The following JAK2 variants were observed in gnomAD, a reference collection of about 807,000 sequenced individuals.
JAK2 encodes the protein tyrosine-protein kinase JAK2.
Under a neutral mutation model 139.3 loss-of-function variants are expected in JAK2, and 86 were observed. The ratio of observed to expected loss-of-function variants is 0.62; its 90% CI spans 0.52 to 0.74. The LOEUF is 0.74. Ranked by LOEUF, JAK2 falls within the 30% of genes least tolerant of loss-of-function variation. The probability of loss-of-function intolerance (pLI) is 0.00; values close to 1 mark genes in which losing one functional copy is unlikely to be tolerated. For synonymous variants in JAK2, 490 were observed against 437.7 expected (o/e 1.12, Z -1.49); for missense variants, 1,421 against 1,360.3 (o/e 1.04, Z -0.70).
chr9:5,018,866 T>C (rs1174550867), intron 2 of JAK2, among the ~76,000 whole-genome samples: 1 of 152,224 alleles, frequency 6.6e-6, no homozygotes, highest in African/African-American at 2.4e-5. Flanking sequence ...ATGATTCTGC[T>C]GAGAAATCTG....
At position 5,054,006 on chromosome 9, in the gene JAK2, C is replaced by G. The variant is rs115238517; in HGVS notation, c.615-557C>G. On this transcript the variant is annotated intron_variant, in intron 6 of 24. Transcript: ENST00000381652. This position sits in a 1 kb window ranked among gnomAD's most constrained non-coding sequence, Gnocchi z 4.9. ...AATATTGTACATAGAGATGAATGTA[C>G]AGAAAAGTCAGAATATTTCTAAATG... 4.2e-4 allele frequency among the ~76,000 whole-genome samples: 64 copies of G among 152,038 alleles called. No homozygotes were observed. Among genetic ancestry groups the G allele is most frequent in the African/African-American group, 1.5e-3 (61 of 41,496 alleles).
At chr9:5,095,345 T>C (rs1359813184) in intron 22 of JAK2, among the ~76,000 whole-genome samples, 2 of 152,158 alleles carry the variant, frequency 1.3e-5, no homozygotes, top group Non-Finnish European at 2.9e-5. Flanking sequence ...ATAGTAGTTC[T>C]TACCCCCATC....
chr9:5,020,489 C>T (rs546688564), intron 2 of JAK2, among the ~76,000 whole-genome samples: 1 of 152,200 alleles, frequency 6.6e-6, no homozygotes, highest in African/African-American at 2.4e-5. Context: ...CAGGTGGGGG[C>T]AGCAGTGGCT....
intron 5 of JAK2, among the ~76,000 whole-genome samples, chr9:5,050,450 T>C (rs551184935): frequency 2.8e-3 from 430 of 152,248 alleles, no homozygotes; most frequent in African/African-American, 0.01. Context: ...TTTAAATTTT[T>C]TGTGGAGATG....
intron 6 of JAK2, 50 bp downstream of exon 6, chr9:5,050,881 T>C: frequency 6.9e-7 from 1 of 1,449,340 alleles, no homozygotes; most frequent in Non-Finnish European, 9.6e-7. Flanking sequence ...AGAGATTTTA[T>C]ATAATTCGTA....
intron 5 of JAK2, among the ~76,000 whole-genome samples, chr9:5,045,015 T>C (rs1375737594): frequency 6.6e-6 from 1 of 152,234 alleles, no homozygotes; most frequent in Non-Finnish European, 1.5e-5. Flanking sequence ...CTAAGAGCTA[T>C]ATTCAAGTTA....
At chr9:4,997,936 T>A (rs1310309655) in intron 2 of JAK2, among the ~76,000 whole-genome samples, 1 of 152,216 alleles carries the variant, frequency 6.6e-6, no homozygotes, top group Non-Finnish European at 1.5e-5. Context: ...TTAATCTGAA[T>A]GCATTATGAT....
At chr9:5,030,457 A>G (rs1352223739) in intron 4 of JAK2, among the ~76,000 whole-genome samples, 1 of 152,138 alleles carries the variant, frequency 6.6e-6, no homozygotes, top group African/African-American at 2.4e-5. Context: ...TCTCACAAAT[A>G]CCTGTGATTT....
intron 22 of JAK2, chr9:5,110,681 G>A (rs913469989): frequency 9.3e-6 from 3 of 321,048 alleles, no homozygotes; most frequent in Non-Finnish European, 1.8e-5. Flanking sequence ...ACCAACGCCT[G>A]AGCCCTTTCT....
rs1312198998 is a variant in JAK2 at position 5,014,979 on chromosome 9, C to G, written c.-25-6984C>G. On this transcript the variant is annotated intron_variant, in intron 2 of 24. Transcript: ENST00000381652. ...TGTTTAACACATGTATATGCCTAAA[C>G]AATGTACTATTCAGTTTTGCTTGTT... 3.9e-5 allele frequency among the ~76,000 whole-genome samples: 6 copies of G among 151,944 alleles called. No individual in the cohort carries two copies. The East Asian group carries it at 1.2e-3, about 29-fold the overall frequency.
intron 5 of JAK2, among the ~76,000 whole-genome samples, chr9:5,050,429 C>A (rs938510536): frequency 3.3e-5 from 5 of 152,056 alleles, no homozygotes; most frequent in African/African-American, 7.2e-5. Flanking sequence ...TGCCACCATG[C>A]CTGGATAATT....
intron 3 of JAK2, among the ~76,000 whole-genome samples, chr9:5,023,751 T>C (rs967635546): frequency 6.6e-6 from 1 of 152,206 alleles, no homozygotes; most frequent in African/African-American, 2.4e-5. Flanking sequence ...TATATACTCA[T>C]GGTTTTAGTT....
intron 2 of JAK2, among the ~76,000 whole-genome samples, chr9:5,006,769 A>G (rs1403368866): frequency 6.6e-6 from 1 of 152,194 alleles, no homozygotes; most frequent in Non-Finnish European, 1.5e-5. Flanking sequence ...CACTCCTCTA[A>G]CACTGAAGAT....
chr9:5,096,039 A>G (rs565750941), intron 22 of JAK2, among the ~76,000 whole-genome samples: 2 of 152,300 alleles, frequency 1.3e-5, no homozygotes, highest in African/African-American at 4.8e-5. Flanking sequence ...AATTTTCAAA[A>G]AACAATAGTC....
At chr9:5,099,627 A>G (rs1266497188) in intron 22 of JAK2, 2 of 152,232 alleles carry the variant, frequency 1.3e-5, no homozygotes, top group Non-Finnish European at 2.9e-5. Flanking sequence ...AGTAGTATTA[A>G]TCATTCTGTT....
At chr9:4,988,774 C>T (rs1285386817) in intron 2 of JAK2, among the ~76,000 whole-genome samples, 2 of 152,186 alleles carry the variant, frequency 1.3e-5, no homozygotes, top group East Asian at 3.8e-4. Context: ...CTGTTCATCT[C>T]CTTAAACTCC....
At chr9:5,035,242 T>C in intron 4 of JAK2, among the ~76,000 whole-genome samples, 1 of 152,156 alleles carries the variant, frequency 6.6e-6, no homozygotes, top group Non-Finnish European at 1.5e-5. Context: ...CAATAATTAA[T>C]AGTTTACCAA....
chr9:5,010,252 T>A (rs190258326), intron 2 of JAK2, among the ~76,000 whole-genome samples: 16 of 152,330 alleles, frequency 1.1e-4, no homozygotes, highest in African/African-American at 3.8e-4. Context: ...CTACTGTTGT[T>A]ACCTGTTTTA....
chr9:5,103,704 C>G (rs1339665077), intron 22 of JAK2, among the ~76,000 whole-genome samples: 1 of 152,066 alleles, frequency 6.6e-6, no homozygotes, highest in African/African-American at 2.4e-5. Flanking sequence ...GAACAGATAT[C>G]ACAACAAACT....
Sources: gnomAD v4.1 joint callset for allele counts (sites outside exome capture counted in the v4.1 genomes callset) on GRCh38, gnomAD v4.1.1 for gene constraint, Gnocchi (gnomAD v3.1) non-coding constraint, MANE v1.5 for transcripts, NCBI Gene and HGNC (gene_info 2026-07-23, HGNC 2026-07-21) for gene names.